The following KIF13A variants were observed in gnomAD, a reference collection of about 807,000 sequenced individuals.
The protein encoded by KIF13A is kinesin-like protein KIF13A.
In KIF13A, 79 loss-of-function variants were observed where a neutral mutation model predicts 212.2. That is an observed-to-expected ratio of 0.37 (90% CI 0.31 to 0.45). The LOEUF (loss-of-function observed/expected upper bound fraction) is 0.45. Among genes scored for constraint, KIF13A ranks in the 20% least tolerant of loss-of-function variants. The pLI is 1.00. For synonymous variants in KIF13A, 789 were observed against 808.6 expected, an observed-to-expected ratio of 0.98 and a Z score of 0.41; for missense variants, 1,901 against 2,209.0, an observed-to-expected ratio of 0.86 and a Z score of 2.79.
intron 2 of KIF13A, among the ~76,000 whole-genome samples, chr6:17,925,899 G>A (rs373488056): frequency 5.9e-5 from 9 of 152,148 alleles, no homozygotes; most frequent in African/African-American, 1.7e-4. Flanking sequence ...TAGGAGAGCA[G>A]CAAATCAGAA....
intron 2 of KIF13A, among the ~76,000 whole-genome samples, chr6:17,976,531 AGCGCGGCGCGCAGCCCCGG>A (rs1398370958): frequency 6.6e-6 from 1 of 152,070 alleles, no homozygotes; most frequent in Non-Finnish European, 1.5e-5. Context: ...CTGGCCCGCA[AGCGCGGCGCGCAGCCCCGG>A]TTCCCGCTCG....
Position 17,879,133 on chromosome 6 carries a change from C to T in KIF13A, c.160-5696G>A, listed in dbSNP as rs1770833388. ...CTCAGCTGGAAGTGATCTCCCAATC[C>T]CCTTTCCCTCCTATGAAATTTTACA... On this transcript the variant is annotated intron_variant, in intron 3 of 38. Coordinates refer to ENST00000259711, the MANE Select transcript of KIF13A (RefSeq NM_022113.6). 2.6e-5 allele frequency among the ~76,000 whole-genome samples: 4 copies of T among 152,100 alleles called. No individual in the cohort carries two copies. The South Asian group carries it at 8.3e-4, about 32-fold the overall frequency.
At position 17,764,182 on chromosome 6, in the gene KIF13A, C is replaced by G. The variant is rs1318722581; in HGVS notation, c.5346G>C (p.Gln1782His). 3 of 1,613,934 alleles carry G rather than the reference C, an allele frequency of 1.9e-6. No homozygotes were observed. The highest frequency in any genetic ancestry group is 2.7e-5 in the African/African-American group (2 of 74,950). ...GGTCATTCTCTAACTTGGAATGCAG[C>G]TGGCTGGGGTGGTGGAGCCCATCGG... ...TVSDGLHHPS[Q>H]LHSKLENDQV... The change falls in exon 39 of 39, where the codon CAG becomes CAC. Residue 1782 changes from glutamine (Q) to histidine (H), a missense_variant. Around this residue, in one of 5 missense-constraint regions of KIF13A, gnomAD observed 687 missense variants for 759.1 expected, o/e 0.90. Transcript: ENST00000259711. The surrounding 1 kb of genome is among the most constrained non-coding windows in gnomAD (Gnocchi z 5.1).
Position 17,764,205 on chromosome 6 carries a change from C to T in KIF13A, c.5323G>A (p.Asp1775Asn), listed in dbSNP as rs370748706. 3.7e-6 allele frequency: 6 copies of T among 1,614,008 alleles called. No homozygotes were observed. The highest frequency in any genetic ancestry group is 1.7e-5 in the Admixed American group (1 of 60,022). Residue 1775 changes from aspartate to asparagine, a missense_variant, in exon 39 of 39, where the codon GAT (aspartate) becomes AAT (asparagine). Physicochemically the swap from Asp to Asn is conservative, Grantham distance 23. This residue lies in a region of KIF13A where 687 missense variants were observed against 759.1 expected (regional missense o/e 0.90). Coordinates refer to ENST00000259711, the MANE Select transcript of KIF13A (RefSeq NM_022113.6). The surrounding 1 kb of genome is among the most constrained non-coding windows in gnomAD (Gnocchi z 5.1). ...AGCTGGCTGGGGTGGTGGAGCCCAT[C>T]GGAGACAGTCTTGCCGCCTGTTTTA... ...PNKTGGKTVS[D>N]GLHHPSQLHS...
At chr6:17,954,808 G>C (rs904851433) in intron 2 of KIF13A, among the ~76,000 whole-genome samples, 1 of 151,826 alleles carries the variant, frequency 6.6e-6, no homozygotes, top group Non-Finnish European at 1.5e-5. Flanking sequence ...TGAGTAGCTG[G>C]GACCACAGGC....
intron 2 of KIF13A, among the ~76,000 whole-genome samples, chr6:17,956,030 C>T (rs189304829): frequency 1.3e-5 from 2 of 152,280 alleles, no homozygotes; most frequent in Admixed American, 1.3e-4. Flanking sequence ...TGCTTTAAAT[C>T]TACAGTCAAG....
At position 17,825,334 on chromosome 6, in the gene KIF13A, A is replaced by G. The variant is rs1250525376; in HGVS notation, c.1786+434T>C. Among the ~76,000 whole-genome samples the G allele has an allele frequency of 6.6e-6, 1 of 152,220 alleles. No homozygotes were observed. The highest frequency in any genetic ancestry group is 2.4e-5 in the African/African-American group (1 of 41,452). Reference sequence around the variant, plus strand: ...AAATATCTTTGGGGTAAAATTTCCAATTGAGTTTATACTAAAATGCTGTGA... The same window carrying G: ...AAATATCTTTGGGGTAAAATTTCCAGTTGAGTTTATACTAAAATGCTGTGA... On this transcript the variant is annotated intron_variant, in intron 16 of 38. Transcript: ENST00000259711. This position sits in a 1 kb window ranked among gnomAD's most constrained non-coding sequence, Gnocchi z 4.5.
intron 4 of KIF13A, 183 bp downstream of exon 4, chr6:17,873,194 G>A: frequency 1.9e-6 from 1 of 525,398 alleles, no homozygotes; most frequent in Non-Finnish European, 3.4e-6. Flanking sequence ...GATTTTACAA[G>A]TAAGTGGCAG....
Position 17,843,861 on chromosome 6 carries a change from A to G in KIF13A, c.830+5516T>C, listed in dbSNP as rs1581496235. 6.6e-6 allele frequency among the ~76,000 whole-genome samples: 1 copy of G among 152,164 alleles called. No individual in the cohort carries two copies. Among genetic ancestry groups the G allele is most frequent in the East Asian group, 1.9e-4 (1 of 5,184 alleles). On this transcript the variant is annotated intron_variant, in intron 9 of 38. Transcript: ENST00000259711. The surrounding 1 kb of genome is among the most constrained non-coding windows in gnomAD (Gnocchi z 5.3). ...GGAGTTTGAGACCAGCCTGGCCAAC[A>G]TGGTGAAACCCTTCCACTACTAAAA...
intron 18 of KIF13A, among the ~76,000 whole-genome samples, chr6:17,806,116 A>T (rs982227165): frequency 1.3e-5 from 2 of 151,662 alleles, no homozygotes; most frequent in Non-Finnish European, 2.9e-5. Context: ...ATTTTTTTGT[A>T]TAGATGGGGT....
intron 16 of KIF13A, among the ~76,000 whole-genome samples, chr6:17,817,968 T>C (rs1408952961): frequency 1.3e-5 from 2 of 152,174 alleles, no homozygotes; most frequent in Admixed American, 1.3e-4. Flanking sequence ...TATAGGTAAA[T>C]CCTAATGGGC....
Position 17,849,360 on chromosome 6 carries a change from G to A in KIF13A, c.830+17C>T. Reference sequence around the variant, plus strand: ...AGAAGGAAATCACCCAGGCTGTTCTGGGACCAGCCACCTTACTTGTTAATG... The same window carrying A: ...AGAAGGAAATCACCCAGGCTGTTCTAGGACCAGCCACCTTACTTGTTAATG... On this transcript the variant is annotated intron_variant, in intron 9 of 38. Transcript: ENST00000259711. The surrounding 1 kb of genome is among the most constrained non-coding windows in gnomAD (Gnocchi z 5.7). 26 of 1,560,182 alleles carry A rather than the reference G, an allele frequency of 1.7e-5. No homozygotes were observed. Among genetic ancestry groups the A allele is most frequent in the Non-Finnish European group, 2.2e-5 (25 of 1,133,898 alleles).
chr6:17,900,685 T>C lies in KIF13A; in HGVS notation c.147-2505A>G, dbSNP rs1772970633. ...ATTCATTGATACATCCTCTACTTCATTCACTGATACAACCTGTACTTCATT... is the reference window on the plus strand; with the variant it reads ...ATTCATTGATACATCCTCTACTTCACTCACTGATACAACCTGTACTTCATT... On this transcript the variant is annotated intron_variant, in intron 2 of 38. Coordinates refer to ENST00000259711, the MANE Select transcript of KIF13A (RefSeq NM_022113.6). This position sits in a 1 kb window ranked among gnomAD's most constrained non-coding sequence, Gnocchi z 4.6. Among the ~76,000 whole-genome samples the C allele has an allele frequency of 6.6e-6, 1 of 152,216 alleles. No homozygotes were observed. Among genetic ancestry groups the C allele is most frequent in the Non-Finnish European group, 1.5e-5 (1 of 68,034 alleles).
intron 2 of KIF13A, among the ~76,000 whole-genome samples, chr6:17,986,734 G>C (rs1781587265): frequency 1.3e-5 from 2 of 152,226 alleles, no homozygotes; most frequent in African/African-American, 4.8e-5. Flanking sequence ...CAGTTTTCCT[G>C]TCTGTAAAAT....
chr6:17,765,374 T>C (rs1758852949), intron 38 of KIF13A, among the ~76,000 whole-genome samples: 1 of 152,226 alleles, frequency 6.6e-6, no homozygotes, highest in South Asian at 2.1e-4. Flanking sequence ...GTCTTTAGAA[T>C]CTTCACCTTG....
At chr6:17,869,910 G>A (rs550257069) in intron 4 of KIF13A, among the ~76,000 whole-genome samples, 4 of 152,026 alleles carry the variant, frequency 2.6e-5, no homozygotes, top group Admixed American at 1.3e-4. Context: ...CAAATAGGTC[G>A]GTTTCAGGAA....
rs1160413098 is a variant in KIF13A, at chr6:17,778,886, T to G, written c.4092+61A>C. The stretch of plus-strand genomic sequence containing the variant: ...GAGGTGTTTGGTAAGTAAATTCATA[T>G]CTGTCCATTGGGGGTGAAGGCTGGT... On this transcript the variant is annotated intron_variant, in intron 33 of 38. Transcript: ENST00000259711. 1.1e-4 allele frequency: 166 copies of G among 1,528,504 alleles called. 1 individual carries two copies. The highest frequency in any genetic ancestry group is 1.1e-4 in the Non-Finnish European group (125 of 1,126,178). The allele number at this position is 1,528,504 out of a possible 1,614,324, so 94.7% of individuals were successfully genotyped here.
At position 17,888,261 on chromosome 6, in the gene KIF13A, A is replaced by T. The variant is rs1771729914; in HGVS notation, c.159+9907T>A. On this transcript the variant is annotated intron_variant, in intron 3 of 38. Coordinates refer to ENST00000259711, the MANE Select transcript of KIF13A (RefSeq NM_022113.6). The surrounding 1 kb of genome is among the most constrained non-coding windows in gnomAD (Gnocchi z 4.8). The stretch of plus-strand genomic sequence containing the variant: ...AGTTTAGTCACTCTTGAGCCTAGGA[A>T]ACAATTCCTAGGAAAAACGTATAGT... Among the ~76,000 whole-genome samples the T allele has an allele frequency of 6.6e-6, 1 of 152,194 alleles. No individual in the cohort carries two copies.
At position 17,826,089 on chromosome 6, in the gene KIF13A, G is replaced by C. The variant is rs1419320894; in HGVS notation, c.1568C>G (p.Thr523Ser). Residue 523 changes from threonine (T) to serine (S), a missense_variant, in exon 15 of 39, where the codon ACC (threonine) becomes AGC (serine). By Grantham distance (58) the Thr-to-Ser change is moderately conservative. Around this residue, in one of 5 missense-constraint regions of KIF13A, gnomAD observed 506 missense variants for 637.4 expected, o/e 0.79. Coordinates refer to ENST00000259711, the MANE Select transcript of KIF13A (RefSeq NM_022113.6). This position sits in a 1 kb window ranked among gnomAD's most constrained non-coding sequence, Gnocchi z 4.7. ...CVNGTLVCST[T>S]QLWHGDRILW... is the part of the protein sequence containing the mutation. ...GATTCGGTCACCATGCCACAGCTGG[G>C]TGGTACTGCACACAAGGGTGCCGTT... 2 of 1,614,016 alleles carry C rather than the reference G, an allele frequency of 1.2e-6. No individual in the cohort carries two copies. The highest frequency in any genetic ancestry group is 3.3e-5 in the Admixed American group (2 of 60,014).
Sources: gnomAD v4.1 joint callset for allele counts (sites outside exome capture counted in the v4.1 genomes callset) on GRCh38, gnomAD v4.1.1 for gene constraint, gnomAD v4.1.1 regional missense constraint, Gnocchi (gnomAD v3.1) non-coding constraint, MANE v1.5 for transcripts, NCBI Gene and HGNC (gene_info 2026-07-23, HGNC 2026-07-21) for gene names.